THOC7: variants seen among roughly 807,000 people sequenced by gnomAD.
THOC7 encodes THO complex subunit 7, also known as NIF3L1-binding protein 1.
A neutral mutation model predicts 33.1 loss-of-function variants in THOC7; 22 were observed. The ratio of observed to expected loss-of-function variants is 0.66; its 90% confidence interval spans 0.47 to 0.95. The LOEUF is 0.95. Ranked by LOEUF, THOC7 falls within the 40% of genes least tolerant of loss-of-function variation. The probability of loss-of-function intolerance (pLI) is 0.00; values close to 1 mark genes in which losing one functional copy is unlikely to be tolerated. For synonymous variants in THOC7, 77 were observed against 76.8 expected, an observed-to-expected ratio of 1.00 and a Z score of -0.01; for missense variants, 184 against 245.3, an observed-to-expected ratio of 0.75 and a Z score of 1.67.
chr3:63,856,560 A>G (rs1398679185), intron 1 of THOC7, among the ~76,000 whole-genome samples: 1 of 152,194 alleles, frequency 6.6e-6, no homozygotes, highest in East Asian at 1.9e-4. Context: ...ATGGGTACAC[A>G]GAAGTTGAAT....
At chr3:63,845,469 G>A in intron 1 of THOC7, among the ~76,000 whole-genome samples, 1 of 152,214 alleles carries the variant, frequency 6.6e-6, no homozygotes, top group East Asian at 1.9e-4. Context: ...TGACCAGAGG[G>A]AAATGTGCGT....
intron 1 of THOC7, among the ~76,000 whole-genome samples, chr3:63,843,898 C>T (rs975976389): frequency 1.3e-5 from 2 of 150,672 alleles, no homozygotes; most frequent in African/African-American, 4.9e-5. Context: ...GAGACTCCGT[C>T]TCAGAAAAAA....
chr3:63,863,864 C>T, upstream of THOC7: 1 of 1,206,650 alleles, frequency 8.3e-7, no homozygotes, highest in Non-Finnish European at 1.0e-6. Context: ...AGGTCAAACT[C>T]CCACAATGCA....
intron 1 of THOC7, among the ~76,000 whole-genome samples, chr3:63,856,234 C>G (rs964986379): frequency 2.0e-5 from 3 of 151,122 alleles, no homozygotes; most frequent in Non-Finnish European, 4.4e-5. Flanking sequence ...GAGATGGTTA[C>G]GAGAGGCTGG....
At chr3:63,838,236 T>C in intron 3 of THOC7, 136 bp downstream of exon 3, 1 of 907,772 alleles carries the variant, frequency 1.1e-6, no homozygotes, top group Non-Finnish European at 1.6e-6. Flanking sequence ...TTTTTATAGC[T>C]AACATTTACT....
At chr3:63,847,219 T>C (rs1701918329) in intron 1 of THOC7, among the ~76,000 whole-genome samples, 2 of 152,298 alleles carry the variant, frequency 1.3e-5, no homozygotes, top group South Asian at 4.1e-4. Flanking sequence ...ATAAATCTGG[T>C]ATGTATTGGT....
At chr3:63,842,346 C>A (rs1165567295) in intron 1 of THOC7, among the ~76,000 whole-genome samples, 6 of 151,796 alleles carry the variant, frequency 4.0e-5, no homozygotes, top group Admixed American at 1.3e-4. Flanking sequence ...AAAGCAGAAC[C>A]CTTATACACT....
chr3:63,856,608 G>C (rs1475576121), intron 1 of THOC7, among the ~76,000 whole-genome samples: 1 of 152,022 alleles, frequency 6.6e-6, no homozygotes, highest in East Asian at 1.9e-4. Context: ...AAATTTTCAA[G>C]CATATATACC....
intron 1 of THOC7, among the ~76,000 whole-genome samples, chr3:63,851,801 C>T (rs1019604725): frequency 6.6e-6 from 1 of 152,192 alleles, no homozygotes; most frequent in Non-Finnish European, 1.5e-5. Flanking sequence ...CTCTGCTCCT[C>T]GGCTTATTGG....
chr3:63,854,045 G>A (rs1254788142), intron 1 of THOC7, among the ~76,000 whole-genome samples: 3 of 152,158 alleles, frequency 2.0e-5, no homozygotes, highest in Non-Finnish European at 2.9e-5. Flanking sequence ...GCCCAGTTAG[G>A]ATTCCTTACA....
chr3:63,852,864 G>A (rs1292009215), intron 1 of THOC7, among the ~76,000 whole-genome samples: 2 of 152,158 alleles, frequency 1.3e-5, no homozygotes, highest in African/African-American at 2.4e-5. Context: ...AGAATCACAG[G>A]TCCTGGCTGG....
At chr3:63,840,962 A>C (rs1475334830) in intron 1 of THOC7, among the ~76,000 whole-genome samples, 1 of 152,280 alleles carries the variant, frequency 6.6e-6, no homozygotes, top group Non-Finnish European at 1.5e-5. Flanking sequence ...GCACTCATGC[A>C]CAAAGACAGA....
At chr3:63,838,332 A>G in intron 3 of THOC7, 40 bp downstream of exon 3, 1 of 1,346,208 alleles carries the variant, frequency 7.4e-7, no homozygotes. Context: ...TTTAGACCAT[A>G]AAAAATAAAA....
At chr3:63,857,780 T>C (rs1426528611) in intron 1 of THOC7, among the ~76,000 whole-genome samples, 1 of 152,184 alleles carries the variant, frequency 6.6e-6, no homozygotes, top group African/African-American at 2.4e-5. Flanking sequence ...AAATTTAAAA[T>C]TTTAAAAGGA....
rs1387710750 is a variant in THOC7 at position 63,838,016 on chromosome 3, C to T, written c.312G>A (p.Lys104=). The part of the protein sequence containing the change: ...GAHEKIAECK[K]QILQAKRIRK... Reference sequence around the variant, plus strand: ...GTATTCGTTTTGCTTGAAGAATTTGCTTTTTGCACTCAGCAATTTTTTCAT... The same window carrying T: ...GTATTCGTTTTGCTTGAAGAATTTGTTTTTTGCACTCAGCAATTTTTTCAT... Residue 104 remains lysine (K), a synonymous_variant, in exon 4 of 8, where the codon AAG becomes AAA. Transcript: ENST00000295899. The T allele has an allele frequency of 6.2e-7, 1 of 1,609,278 alleles. No individual in the cohort carries two copies. Among genetic ancestry groups the T allele is most frequent in the Non-Finnish European group, 8.5e-7 (1 of 1,178,250 alleles).
intron 5 of THOC7, 131 bp from the exon 6 acceptor site, chr3:63,835,521 A>C (rs531435222): frequency 1.6e-6 from 1 of 640,346 alleles, no homozygotes; most frequent in Admixed American, 3.3e-5. Flanking sequence ...ATAACACTCC[A>C]TTATGGTGAA....
At chr3:63,850,093 T>G (rs1341178494) in intron 1 of THOC7, among the ~76,000 whole-genome samples, 1 of 152,210 alleles carries the variant, frequency 6.6e-6, no homozygotes, top group Non-Finnish European at 1.5e-5. Flanking sequence ...AGACTCTTAC[T>G]CCTCTTAATT....
At chr3:63,856,804 G>A (rs529766573) in intron 1 of THOC7, among the ~76,000 whole-genome samples, 154 of 151,618 alleles carry the variant, frequency 1.0e-3, no homozygotes, top group Middle Eastern at 3.4e-3. Context: ...TGCAAGCTCC[G>A]CCTCCCAGGT....
chr3:63,836,983 A>G (rs1701647709), intron 4 of THOC7, among the ~76,000 whole-genome samples: 1 of 151,976 alleles, frequency 6.6e-6, no homozygotes, highest in African/African-American at 2.4e-5. Flanking sequence ...TTTAGAACTG[A>G]TACTAAGTTG....
Sources: allele counts gnomAD v4.1 joint callset (sites outside exome capture counted in the v4.1 genomes callset), GRCh38; gene constraint gnomAD v4.1.1; transcripts MANE v1.5; gene names NCBI Gene and HGNC (gene_info 2026-07-23, HGNC 2026-07-21).